KCND3: variants seen among roughly 807,000 people sequenced by gnomAD.
The protein encoded by KCND3 is A-type voltage-gated potassium channel KCND3.
In KCND3, 9 loss-of-function variants were observed where a neutral mutation model predicts 51.1. That is an observed-to-expected ratio of 0.18 (90% CI 0.11 to 0.31). The LOEUF (loss-of-function observed/expected upper bound fraction) is 0.31, where lower values mean the gene tolerates loss of function less well. KCND3 is among the 10% of genes least tolerant of loss of function. KCND3 has a pLI of 1.00. For synonymous variants in KCND3, 349 were observed against 368.0 expected (o/e 0.95, Z 0.59); for missense variants, 526 against 903.8 (o/e 0.58, Z 5.36).
intron 2 of KCND3, among the ~76,000 whole-genome samples, chr1:111,959,251 C>A (rs1335406630): frequency 1.3e-5 from 2 of 152,170 alleles, no homozygotes; most frequent in African/African-American, 4.8e-5. Context: ...CTCCCTCTAA[C>A]CCCCCATAAA....
chr1:111,879,839 G>A (rs907803822), intron 2 of KCND3, among the ~76,000 whole-genome samples: 3 of 152,182 alleles, frequency 2.0e-5, no homozygotes, highest in African/African-American at 7.2e-5. Context: ...GTGCATCCAG[G>A]ACAGGCTGGT....
At position 111,982,092 on chromosome 1, in the gene KCND3, C is replaced by G. The variant is rs568631058; in HGVS notation, c.635G>C (p.Gly212Ala). 1 of 1,613,680 alleles carries G rather than the reference C, an allele frequency of 6.2e-7. No homozygotes were observed. Among genetic ancestry groups the G allele is most frequent in the East Asian group, 2.2e-5 (1 of 44,768 alleles). The stretch of plus-strand genomic sequence containing the variant: ...CTCCCCGCACGGCAGCTCCTTGCTG[C>G]CCGGGACCGTGCCGCACGGCACCGT... ...VETVPCGTVP[G>A]SKELPCGERY... The change falls in exon 2 of 8, where the codon GGC (glycine) becomes GCC (alanine). Residue 212 changes from glycine to alanine, a missense_variant. Transcript: ENST00000302127. The surrounding 1 kb of genome is among the most constrained non-coding windows in gnomAD (Gnocchi z 8.5).
intron 2 of KCND3, among the ~76,000 whole-genome samples, chr1:111,900,050 G>C (rs1245723744): frequency 1.3e-5 from 2 of 152,146 alleles, no homozygotes; most frequent in Non-Finnish European, 2.9e-5. Flanking sequence ...TGCAGTGTTA[G>C]ATACTGTGTC....
intron 2 of KCND3, among the ~76,000 whole-genome samples, chr1:111,882,350 A>C (rs1479491220): frequency 1.3e-5 from 2 of 152,226 alleles, no homozygotes; most frequent in African/African-American, 4.8e-5. Context: ...TCCGGTTTGG[A>C]TGCCCAGCAG....
chr1:111,955,182 G>A lies in KCND3; in HGVS notation c.1106+26439C>T, dbSNP rs61790262. Among the ~76,000 whole-genome samples the A allele has an allele frequency of 6.1e-3, 935 of 152,342 alleles. 2 individuals carry two copies. Among genetic ancestry groups the A allele is most frequent in the Non-Finnish European group, 0.01 (694 of 68,032 alleles). ...TCACCACTTTGGGAGGCCAAGGCAC[G>A]AGAATCGCTTAAGCCTAGGAGTTGA... On this transcript the variant is annotated intron_variant, in intron 2 of 7. Coordinates refer to ENST00000302127, the MANE Select transcript of KCND3 (RefSeq NM_001378969.1).
chr1:111,944,318 G>C (rs1391964766), intron 2 of KCND3, among the ~76,000 whole-genome samples: 2 of 152,198 alleles, frequency 1.3e-5, no homozygotes, highest in African/African-American at 2.4e-5. Flanking sequence ...TTACACACCT[G>C]CCATTGTCAT....
intron 2 of KCND3, among the ~76,000 whole-genome samples, chr1:111,916,652 A>C (rs1671231607): frequency 6.6e-6 from 1 of 152,204 alleles, no homozygotes; most frequent in South Asian, 2.1e-4. Flanking sequence ...AATTAAAAAA[A>C]TGCCAGACTA....
intron 2 of KCND3, among the ~76,000 whole-genome samples, chr1:111,975,748 C>T (rs1193537453): frequency 6.6e-6 from 1 of 152,214 alleles, no homozygotes; most frequent in Non-Finnish European, 1.5e-5. Flanking sequence ...CTGGTACTCT[C>T]CTGTCTCCTG....
chr1:111,881,660 A>G (rs1669331488), intron 2 of KCND3, among the ~76,000 whole-genome samples: 1 of 152,168 alleles, frequency 6.6e-6, no homozygotes. Context: ...GGGGCAGGGC[A>G]AAGGGCAGGG....
At chr1:111,861,501 G>A (rs1359608400) in intron 2 of KCND3, among the ~76,000 whole-genome samples, 1 of 152,198 alleles carries the variant, frequency 6.6e-6, no homozygotes, top group Admixed American at 6.5e-5. Flanking sequence ...TCATTTTGTA[G>A]ATAAGAAAAC....
At position 111,982,721 on chromosome 1, in the gene KCND3, C is replaced by T. The variant is rs546348007; in HGVS notation, c.6G>A (p.Ala2=). Residue 2 remains alanine, a synonymous_variant, in exon 2 of 8, where the codon GCG becomes GCA. Coordinates refer to ENST00000302127, the MANE Select transcript of KCND3 (RefSeq NM_001378969.1). This position sits in a 1 kb window ranked among gnomAD's most constrained non-coding sequence, Gnocchi z 8.5. ...AAGGCAGCCAGGCCGCAACTCCGGC[C>T]GCCATGGTGACTCCAGCTCTTGGGC... M[A]AGVAAWLPFA... is the part of the protein sequence containing the mutation. 12 of 1,602,668 alleles carry T rather than the reference C, an allele frequency of 7.5e-6. No homozygotes were observed. The South Asian group carries it at 1.2e-4, about 16-fold the overall frequency.
In KCND3 at chr1:111,784,145, C is replaced by CACACACT. The variant is rs1553236817; in HGVS notation, c.1269+2798_1269+2799insAGTGTGT. Among the ~76,000 whole-genome samples the CACACACT allele has an allele frequency of 2.1e-3, 268 of 125,162 alleles. 1 individual carries two copies. The highest frequency in any genetic ancestry group is 2.8e-3 in the Admixed American group (38 of 13,618). The allele number at this position is 125,162 out of a possible 152,430, so 82.1% of individuals were successfully genotyped here. On this transcript the variant is annotated intron_variant, in intron 3 of 7. Coordinates refer to ENST00000302127, the MANE Select transcript of KCND3 (RefSeq NM_001378969.1). ...CACACACACACACACACACACACAC[C>CACACACT]AGTCCAAGTAAAACTGGAGATATCT... is the stretch of plus-strand genomic sequence containing the variant.
rs1339702001 is a variant in KCND3, at chr1:111,843,004, C to CTGAATGAA, written c.1107-55906_1107-55899dup. 9.8e-5 allele frequency among the ~76,000 whole-genome samples: 15 copies of CTGAATGAA among 152,312 alleles called. No individual in the cohort carries two copies. The East Asian group carries it at 2.7e-3, about 27-fold the overall frequency. ...TTACAGGCATGAGTTCCACCCTTTG[C>CTGAATGAA]TGAATGAATGAATAAATGATGCTTG... On this transcript the variant is annotated intron_variant, in intron 2 of 7. Transcript: ENST00000302127.
chr1:111,876,114 G>A (rs1288109718), intron 2 of KCND3, among the ~76,000 whole-genome samples: 1 of 152,150 alleles, frequency 6.6e-6, no homozygotes, highest in Non-Finnish European at 1.5e-5. Flanking sequence ...CTTAGGTCAC[G>A]TTTATATAAT....
chr1:111,949,173 T>C (rs1672933577), intron 2 of KCND3, among the ~76,000 whole-genome samples: 2 of 152,148 alleles, frequency 1.3e-5, no homozygotes, highest in Non-Finnish European at 2.9e-5. Context: ...GAATAGAAAG[T>C]AGGATGATAG....
chr1:111,799,984 G>A (rs1344538648), intron 2 of KCND3, among the ~76,000 whole-genome samples: 3 of 151,966 alleles, frequency 2.0e-5, no homozygotes, highest in Non-Finnish European at 2.9e-5. Flanking sequence ...CTGCCCGGCC[G>A]CCCCTACTGG....
At chr1:111,857,512 TG>T (rs920327616) in intron 2 of KCND3, among the ~76,000 whole-genome samples, 12 of 152,164 alleles carry the variant, frequency 7.9e-5, no homozygotes, top group African/African-American at 2.9e-4. Context: ...CCGTCGCTTA[TG>T]GGGGGTGTTG....
chr1:111,972,473 C>T (rs953803410), intron 2 of KCND3, among the ~76,000 whole-genome samples: 20 of 152,144 alleles, frequency 1.3e-4, no homozygotes, highest in African/African-American at 4.3e-4. Context: ...CGCCCGGCCC[C>T]TATTTGTATA....
intron 2 of KCND3, among the ~76,000 whole-genome samples, chr1:111,802,959 A>G (rs1157167211): frequency 6.6e-6 from 1 of 152,174 alleles, no homozygotes; most frequent in Non-Finnish European, 1.5e-5. Context: ...GAAGGCAGAA[A>G]TGGAGCTGCG....
Sources: gnomAD v4.1 joint callset for allele counts (sites outside exome capture counted in the v4.1 genomes callset) on GRCh38, gnomAD v4.1.1 for gene constraint, Gnocchi (gnomAD v3.1) non-coding constraint, MANE v1.5 for transcripts, NCBI Gene and HGNC (gene_info 2026-07-23, HGNC 2026-07-21) for gene names.